Variants in ADAM23 observed in about 807,000 individuals in gnomAD.
The protein encoded by ADAM23 is ADAM metallopeptidase domain 23.
ADAM23 carries 33 observed loss-of-function variants against 120.1 expected under a neutral mutation model. That is an observed-to-expected ratio of 0.27 (90% confidence interval 0.21 to 0.37). The LOEUF (loss-of-function observed/expected upper bound fraction) is 0.37. ADAM23 is among the 10% of genes least tolerant of loss of function. The pLI is 1.00. For synonymous variants in ADAM23, 367 were observed against 375.2 expected, an observed-to-expected ratio of 0.98 and a Z score of 0.25; for missense variants, 862 against 1,058.2, an observed-to-expected ratio of 0.81 and a Z score of 2.57.
At chr2:206,572,410 T>G (rs960934701) in intron 17 of ADAM23, among the ~76,000 whole-genome samples, 1 of 152,226 alleles carries the variant, frequency 6.6e-6, no homozygotes, top group Admixed American at 6.5e-5. Context: ...TTTTCTCATA[T>G]ATATAACCTC....
chr2:206,443,975 G>T lies in ADAM23; in HGVS notation c.109G>T (p.Ala37Ser), dbSNP rs1194053048. The change falls in exon 1 of 26, where the codon GCC (alanine) becomes TCC (serine). Residue 37 changes from alanine (A) to serine (S), a missense_variant. This residue lies in a region of ADAM23 where 225 missense variants were observed against 204.0 expected (regional missense o/e 1.10). Transcript: ENST00000264377. ...RGPAGSVPAS[A>S]PARTPPCRLL... ...CCCCGCCGGCTCGGTGCCTGCCAGC[G>T]CCCCGGCCCGCACGCCGCCCTGCCG... 9 of 1,365,048 alleles carry T rather than the reference G, an allele frequency of 6.6e-6. 1 individual carries two copies. The highest frequency in any genetic ancestry group is 8.5e-6 in the Non-Finnish European group (9 of 1,055,530). The allele number at this position is 1,365,048 out of a possible 1,614,324, so 84.6% of individuals were successfully genotyped here. A position where few individuals can be genotyped will look rare whatever the true frequency, so the allele number is the denominator to read the frequency against.
intron 18 of ADAM23, among the ~76,000 whole-genome samples, chr2:206,587,119 A>C (rs1221199023): frequency 6.6e-6 from 1 of 152,212 alleles, no homozygotes; most frequent in Non-Finnish European, 1.5e-5. Flanking sequence ...AACATATAAA[A>C]TGCATGCACT....
intron 4 of ADAM23, among the ~76,000 whole-genome samples, chr2:206,531,254 C>A (rs972157771): frequency 6.6e-6 from 1 of 152,142 alleles, no homozygotes. Context: ...AGGCTCATGG[C>A]CATCGAATCT....
chr2:206,594,626 A>G (rs1698486106), intron 22 of ADAM23, 111 bp from the exon 23 acceptor site: 1 of 1,223,840 alleles, frequency 8.2e-7, no homozygotes, highest in East Asian at 2.4e-5. Context: ...ATGCTAGGAG[A>G]AATCCACATC....
chr2:206,545,143 G>T (rs1407202017), intron 6 of ADAM23, among the ~76,000 whole-genome samples: 1 of 152,160 alleles, frequency 6.6e-6, no homozygotes, highest in Non-Finnish European at 1.5e-5. Flanking sequence ...GATTATTGCA[G>T]TTATTTGATG....
intron 18 of ADAM23, among the ~76,000 whole-genome samples, chr2:206,584,632 T>C (rs1698284925): frequency 6.6e-6 from 1 of 151,968 alleles, no homozygotes; most frequent in African/African-American, 2.4e-5. Context: ...GAGTCTGAGC[T>C]CAGACACGCC....
At chr2:206,606,779 C>T (rs1213977251) in intron 24 of ADAM23, 1 of 152,118 alleles carries the variant, frequency 6.6e-6, no homozygotes, top group Non-Finnish European at 1.5e-5. Flanking sequence ...TTTCTTCTCT[C>T]TCTAATTAGA....
At chr2:206,455,870 T>C (rs984743558) in intron 2 of ADAM23, among the ~76,000 whole-genome samples, 2 of 152,184 alleles carry the variant, frequency 1.3e-5, no homozygotes, top group African/African-American at 4.8e-5. Flanking sequence ...GCTGTCCATA[T>C]CACTATCAGC....
chr2:206,570,614 A>G lies in ADAM23; in HGVS notation c.1495-126A>G. 3 of 691,088 alleles carry G rather than the reference A, an allele frequency of 4.3e-6. 1 individual carries two copies. The South Asian group carries it at 5.2e-5, about 12-fold the overall frequency. The allele number at this position is 691,088 out of a possible 1,614,324, so 42.8% of individuals were successfully genotyped here. On this transcript the variant is annotated intron_variant, in intron 15 of 25. Coordinates refer to ENST00000264377, the MANE Select transcript of ADAM23 (RefSeq NM_003812.4). ...ACAGTCATCATTTATAAGATGCCAC[A>G]ACAACAGATCAAAGAAGAATATCAC...
At chr2:206,513,934 A>G (rs1696679278) in intron 3 of ADAM23, among the ~76,000 whole-genome samples, 1 of 152,210 alleles carries the variant, frequency 6.6e-6, no homozygotes, top group African/African-American at 2.4e-5. Context: ...TGTTTACAAT[A>G]TGGTTTACTG....
intron 24 of ADAM23, chr2:206,606,419 C>G (rs1390626457): frequency 6.6e-6 from 1 of 152,174 alleles, no homozygotes; most frequent in Non-Finnish European, 1.5e-5. Flanking sequence ...ATTTAGCATA[C>G]TGCCTTCCTA....
At chr2:206,464,596 TAAAAA>T (rs1325625175) in intron 2 of ADAM23, among the ~76,000 whole-genome samples, 12 of 151,598 alleles carry the variant, frequency 7.9e-5, no homozygotes, top group Admixed American at 2.6e-4. Flanking sequence ...ATAATAATAA[TAAAAA>T]GAAACAAAAG....
intron 3 of ADAM23, among the ~76,000 whole-genome samples, chr2:206,482,026 G>A (rs1270427862): frequency 6.6e-6 from 1 of 152,156 alleles, no homozygotes; most frequent in Non-Finnish European, 1.5e-5. Context: ...AGTATTTTAA[G>A]CTTTTGTCAG....
intron 24 of ADAM23, among the ~76,000 whole-genome samples, chr2:206,598,540 A>G (rs1177941015): frequency 3.3e-5 from 5 of 152,224 alleles, no homozygotes; most frequent in Non-Finnish European, 7.3e-5. Flanking sequence ...TCCTTCAAGT[A>G]ATACATACTT....
At chr2:206,608,439 A>G (rs752047306) in intron 24 of ADAM23, among the ~76,000 whole-genome samples, 23 of 152,202 alleles carry the variant, frequency 1.5e-4, no homozygotes, top group Non-Finnish European at 3.1e-4. Flanking sequence ...GGATAGTCAT[A>G]GTTCCCACCT....
chr2:206,455,482 G>T (rs1384340292), intron 2 of ADAM23, among the ~76,000 whole-genome samples: 5 of 152,178 alleles, frequency 3.3e-5, no homozygotes, highest in African/African-American at 1.2e-4. Flanking sequence ...CTCCTCTTAG[G>T]CAAGCTTCTG....
Position 206,592,607 on chromosome 2 carries a change from A to G in ADAM23, c.1959-10A>G, listed in dbSNP as rs757009062. On this transcript the variant is annotated splice_polypyrimidine_tract_variant and intron_variant, in intron 21 of 25. Coordinates refer to ENST00000264377, the MANE Select transcript of ADAM23 (RefSeq NM_003812.4). Reference sequence around the variant, plus strand: ...TGTCTGGTCTGTTTGTTTTCTTTACACATGTTCAGTGATGTGTTCTGTGGA... The same window carrying G: ...TGTCTGGTCTGTTTGTTTTCTTTACGCATGTTCAGTGATGTGTTCTGTGGA... The G allele has an allele frequency of 3.7e-6, 6 of 1,613,092 alleles. No homozygotes were observed. Among genetic ancestry groups the G allele is most frequent in the Non-Finnish European group, 5.1e-6 (6 of 1,179,460 alleles).
chr2:206,601,596 A>T (rs1230461921), intron 24 of ADAM23, among the ~76,000 whole-genome samples: 1 of 151,994 alleles, frequency 6.6e-6, no homozygotes, highest in Non-Finnish European at 1.5e-5. Flanking sequence ...AACATGGAAA[A>T]ACCCCGTCTA....
intron 17 of ADAM23, 120 bp from the exon 18 acceptor site, chr2:206,572,995 T>G (rs1698035235): frequency 3.0e-6 from 3 of 988,064 alleles, no homozygotes; most frequent in Middle Eastern, 2.1e-4. Flanking sequence ...TGCTAATTCT[T>G]AAAAAGAGTT....
Sources: allele counts gnomAD v4.1 joint callset (sites outside exome capture counted in the v4.1 genomes callset), GRCh38; gene constraint gnomAD v4.1.1; regional missense constraint gnomAD v4.1.1; transcripts MANE v1.5; gene names NCBI Gene and HGNC (gene_info 2026-07-23, HGNC 2026-07-21).